Variants in TJP3 observed in about 807,000 individuals in gnomAD.
TJP3 encodes the protein tight junction protein 3.
TJP3 carries 85 observed loss-of-function variants against 104.2 expected under a neutral mutation model. The ratio of observed to expected loss-of-function variants is 0.82; its 90% CI spans 0.68 to 0.98. The LOEUF is 0.98. TJP3 is among the 50% of genes least tolerant of loss of function. The probability of loss-of-function intolerance (pLI) is 0.00; values close to 1 mark genes in which losing one functional copy is unlikely to be tolerated. For synonymous variants in TJP3, 550 were observed against 550.6 expected (o/e 1.00, Z 0.02); for missense variants, 1,367 against 1,322.8 (o/e 1.03, Z -0.52).
chr19:3,715,228 TAC>T (rs2036466859), intron 1 of TJP3, among the ~76,000 whole-genome samples: 1 of 152,016 alleles, frequency 6.6e-6, no homozygotes, highest in South Asian at 2.1e-4. Context: ...TAGCTGGGAC[TAC>T]AGGCGCCCGC....
intron 1 of TJP3, among the ~76,000 whole-genome samples, chr19:3,709,745 G>A (rs1244412665): frequency 3.3e-5 from 5 of 152,134 alleles, no homozygotes; most frequent in Admixed American, 6.6e-5. Flanking sequence ...GTGGGGGTGG[G>A]CGACATGGAT....
intron 20 of TJP3, 146 bp downstream of exon 20, chr19:3,750,330 C>T (rs1479943410): frequency 1.7e-6 from 2 of 1,195,794 alleles, no homozygotes; most frequent in East Asian, 4.8e-5. Flanking sequence ...TCTCTAAGCC[C>T]CATATAATCA....
In TJP3 at chr19:3,750,755, G is replaced by C. The variant is rs1352829995; in HGVS notation, c.*71G>C. The C allele has an allele frequency of 5.5e-5, 75 of 1,352,084 alleles. No homozygotes were observed. Among genetic ancestry groups the C allele is most frequent in the South Asian group, 8.7e-5 (7 of 80,072 alleles). 83.8% of individuals were successfully genotyped at this position (1,352,084 alleles called of 1,614,324 possible). On this transcript the variant is annotated 3_prime_UTR_variant, in exon 21 of 21. Coordinates refer to ENST00000541714, the MANE Select transcript of TJP3 (RefSeq NM_001267560.2). ...GGGCTGGGACTCAGTTTCCCATACA[G>C]AACCCACAACCTTACCTCCCTCCGC...
Position 3,750,593 on chromosome 19 carries a change from G to T in TJP3, c.2669G>T (p.Arg890Leu). The T allele has an allele frequency of 6.2e-7, 1 of 1,605,632 alleles. No individual in the cohort carries two copies. Among genetic ancestry groups the T allele is most frequent in the Non-Finnish European group, 8.5e-7 (1 of 1,175,940 alleles). The change falls in exon 21 of 21, where the codon CGG becomes CTG. Residue 890 changes from arginine (R) to leucine (L), a missense_variant. Physicochemically the swap from Arg to Leu is moderately radical, Grantham distance 102. Coordinates refer to ENST00000541714, the MANE Select transcript of TJP3 (RefSeq NM_001267560.2). ...WRQDSMRTYE[R>L]EALKKKFMRV... ...TTCCTGATCCCCAGAACCTATGAAC[G>T]GGAAGCCCTGAAGAAAAAGTTTATG... is the stretch of plus-strand genomic sequence containing the variant.
At chr19:3,719,180 C>T (rs2036519271) in intron 1 of TJP3, among the ~76,000 whole-genome samples, 1 of 152,032 alleles carries the variant, frequency 6.6e-6, no homozygotes, top group South Asian at 2.1e-4. Flanking sequence ...GAGTGTCCGT[C>T]TTGGGGGGTG....
At position 3,745,876 on chromosome 19, in the gene TJP3, G is replaced by A. The variant is rs975328261; in HGVS notation, c.1940-135G>A. On this transcript the variant is annotated intron_variant, in intron 15 of 20. Coordinates refer to ENST00000541714, the MANE Select transcript of TJP3 (RefSeq NM_001267560.2). ...TGGCACTTGGCCAACATGAGTTTCT[G>A]CTGCTGTTAGGATTTCTCTCCAGGG... 1.1e-5 allele frequency: 8 copies of A among 707,662 alleles called. No homozygotes were observed. The African/African-American group carries it at 1.2e-4, about 11-fold the overall frequency. The allele number at this position is 707,662 out of a possible 1,614,324, so 43.8% of individuals were successfully genotyped here. A position where few individuals can be genotyped will look rare whatever the true frequency, so the allele number is the denominator to read the frequency against.
intron 1 of TJP3, 124 bp downstream of exon 1, chr19:3,708,685 C>T (rs1361130955): frequency 3.3e-5 from 5 of 151,974 alleles, no homozygotes; most frequent in Non-Finnish European, 5.9e-5. Flanking sequence ...CCCGGCTCCT[C>T]GGAAAGCAGG....
Position 3,748,023 on chromosome 19 carries a change from C to T in TJP3, c.2552C>T (p.Ala851Val), listed in dbSNP as rs773929999. The T allele has an allele frequency of 1.9e-6, 3 of 1,604,102 alleles. No individual in the cohort carries two copies. Among genetic ancestry groups the T allele is most frequent in the East Asian group, 2.2e-5 (1 of 44,466 alleles). Residue 851 changes from alanine to valine, a missense_variant, in exon 19 of 21, where the codon GCA becomes GTA. Physicochemically the swap from Ala to Val is moderately conservative, Grantham distance 64. Transcript: ENST00000541714. ...ALARSSEPVQ[A>V]DESQSPRDRG... ...GCCCGGTCCTCGGAGCCCGTGCAGG[C>T]AGATGAGTCCCAGAGCCCGAGGGAT...
Position 3,738,670 on chromosome 19 carries a change from G to T in TJP3, c.1393+7G>T. 1 of 1,611,036 alleles carries T rather than the reference G, an allele frequency of 6.2e-7. No homozygotes were observed. Among genetic ancestry groups the T allele is most frequent in the South Asian group, 1.1e-5 (1 of 90,906 alleles). ...ACGCAGAGGAAGCAGGACAGTGAGTGCGCGTGGATATGGGTGTGCCTGTGT... is the reference window on the plus strand; with the variant it reads ...ACGCAGAGGAAGCAGGACAGTGAGTTCGCGTGGATATGGGTGTGCCTGTGT... On this transcript the variant is annotated splice_region_variant and intron_variant, in intron 12 of 20. Transcript: ENST00000541714.
intron 14 of TJP3, among the ~76,000 whole-genome samples, chr19:3,741,403 G>A (rs537744261): frequency 2.0e-5 from 3 of 152,182 alleles, no homozygotes; most frequent in South Asian, 4.1e-4. Flanking sequence ...TTGGGAGGTC[G>A]AGGTTGCAGT....
chr19:3,740,485 C>A, intron 13 of TJP3, 67 bp from the exon 14 acceptor site: 1 of 1,102,724 alleles, frequency 9.1e-7, no homozygotes, highest in Non-Finnish European at 1.2e-6. Flanking sequence ...AGGGGTAGGA[C>A]GAGGACGTCT....
Position 3,730,280 on chromosome 19 carries a change from G to T in TJP3, c.262-75G>T. 1 of 1,497,540 alleles carries T rather than the reference G, an allele frequency of 6.7e-7. No individual in the cohort carries two copies. 92.8% of individuals were successfully genotyped at this position (1,497,540 alleles called of 1,614,324 possible). On this transcript the variant is annotated intron_variant, in intron 4 of 20. Transcript: ENST00000541714. The surrounding 1 kb of genome is among the most constrained non-coding windows in gnomAD (Gnocchi z 7.3). ...CCAGAGAGAGACTGGTGTCCCCCAGGGCCACCCGGGGGCTGAGCAGAGCCT... is the reference window on the plus strand; with the variant it reads ...CCAGAGAGAGACTGGTGTCCCCCAGTGCCACCCGGGGGCTGAGCAGAGCCT...
At chr19:3,726,408 G>C (rs2036596080) in intron 1 of TJP3, among the ~76,000 whole-genome samples, 1 of 152,126 alleles carries the variant, frequency 6.6e-6, no homozygotes, top group Non-Finnish European at 1.5e-5. Context: ...GATCAGCCTG[G>C]CCAACATGGT....
Position 3,738,649 on chromosome 19 carries a change from A to G in TJP3, c.1379A>G (p.Gln460Arg). Residue 460 changes from glutamine (Q) to arginine (R), a missense_variant, in exon 12 of 21, where the codon CAG becomes CGG. By Grantham distance (43) the Gln-to-Arg change is conservative (BLOSUM62 1). Coordinates refer to ENST00000541714, the MANE Select transcript of TJP3 (RefSeq NM_001267560.2). ...PPGEEMELVT[Q>R]RKQDIFWKMV... ...GGCGAGGAGATGGAGCTGGTGACGCAGAGGAAGCAGGACAGTGAGTGCGCG... is the reference window on the plus strand; with the variant it reads ...GGCGAGGAGATGGAGCTGGTGACGCGGAGGAAGCAGGACAGTGAGTGCGCG... 6.2e-7 allele frequency: 1 copy of G among 1,613,634 alleles called. No individual in the cohort carries two copies. Among genetic ancestry groups the G allele is most frequent in the Non-Finnish European group, 8.5e-7 (1 of 1,179,902 alleles).
intron 11 of TJP3, among the ~76,000 whole-genome samples, chr19:3,737,803 G>C (rs1019598667): frequency 2.0e-5 from 3 of 152,142 alleles, no homozygotes; most frequent in African/African-American, 7.2e-5. Context: ...TTTGCTTGTG[G>C]GATTCTAACC....
Position 3,748,081 on chromosome 19 carries a change from G to A in TJP3, c.2610G>A (p.Gln870=), listed in dbSNP as rs2036930330. The A allele has an allele frequency of 1.9e-6, 3 of 1,556,542 alleles. No individual in the cohort carries two copies. Among genetic ancestry groups the A allele is most frequent in the Non-Finnish European group, 8.7e-7 (1 of 1,149,570 alleles). The change falls in exon 19 of 21, where the codon CAG becomes CAA. Residue 870 remains glutamine (Q), a splice_region_variant and synonymous_variant. Transcript: ENST00000541714. ...RGRISAHQGA[Q]VDSRHPQGQW... is the part of the protein sequence containing the mutation. Reference sequence around the variant, plus strand: ...GAATCTCGGCTCATCAGGGGGCCCAGGTGCGTCGGACATGGGGGGCAGGCC... The same window carrying A: ...GAATCTCGGCTCATCAGGGGGCCCAAGTGCGTCGGACATGGGGGGCAGGCC...
chr19:3,721,805 A>C, intron 1 of TJP3: 1 of 709,200 alleles, frequency 1.4e-6, no homozygotes, highest in Non-Finnish European at 2.0e-6. Context: ...GACTCTCCTC[A>C]GCCCCCTCCC....
At chr19:3,735,286 G>A (rs1390977327) in intron 8 of TJP3, among the ~76,000 whole-genome samples, 1 of 152,118 alleles carries the variant, frequency 6.6e-6, no homozygotes, top group Non-Finnish European at 1.5e-5. Context: ...TGCAACCTCT[G>A]CCTCCCGGGT....
chr19:3,743,818 A>T, intron 14 of TJP3, 121 bp from the exon 15 acceptor site: 1 of 838,152 alleles, frequency 1.2e-6, no homozygotes, highest in Non-Finnish European at 1.9e-6. Flanking sequence ...TTGGCTGGGT[A>T]GCTATGGTCC....
Sources: allele counts gnomAD v4.1 joint callset (sites outside exome capture counted in the v4.1 genomes callset), GRCh38; gene constraint gnomAD v4.1.1; non-coding constraint Gnocchi (gnomAD v3.1); transcripts MANE v1.5; gene names NCBI Gene and HGNC (gene_info 2026-07-23, HGNC 2026-07-21).